The following DYNC2H1 variants were observed in gnomAD, a reference collection of about 807,000 sequenced individuals.
The protein encoded by DYNC2H1 is cytoplasmic dynein 2 heavy chain 1.
A neutral mutation model predicts 570.0 loss-of-function variants in DYNC2H1; 410 were observed. The observed-to-expected ratio is 0.72, with a 90% CI of 0.66 to 0.78. DYNC2H1 has a LOEUF of 0.78. Ranked by LOEUF, DYNC2H1 falls within the 30% of genes least tolerant of loss-of-function variation. The pLI is 0.00. For synonymous variants in DYNC2H1, 1,688 were observed against 1,677.6 expected (o/e 1.01, Z -0.15); for missense variants, 4,865 against 5,046.4 (o/e 0.96, Z 1.09).
intron 70 of DYNC2H1, among the ~76,000 whole-genome samples, chr11:103,265,303 A>C (rs777095725): frequency 2.6e-5 from 4 of 152,198 alleles, no homozygotes; most frequent in Admixed American, 6.5e-5. Flanking sequence ...CGGTTTAGCA[A>C]ACCACCACGG....
At position 103,334,826 on chromosome 11, in the gene DYNC2H1, A is replaced by T. The variant is rs3899714; in HGVS notation, c.12039+10836A>T. On this transcript the variant is annotated intron_variant, in intron 82 of 88. Coordinates refer to ENST00000375735, the MANE Select transcript of DYNC2H1 (RefSeq NM_001377.3). This position sits in a 1 kb window ranked among gnomAD's most constrained non-coding sequence, Gnocchi z 4.3. ...CTACTACAGTATGATAGTTTTGCAG[A>T]ATACAAAGATTGCTGTGGAGTAATC... 0.33 allele frequency among the ~76,000 whole-genome samples: 49,961 copies of T among 151,928 alleles called. 9,696 individuals carry two copies. Among genetic ancestry groups the T allele is most frequent in the Non-Finnish European group, 0.43 (29,468 of 67,840 alleles).
chr11:103,217,589 G>A (rs1470989040), intron 55 of DYNC2H1, among the ~76,000 whole-genome samples: 1 of 152,184 alleles, frequency 6.6e-6, no homozygotes, highest in Non-Finnish European at 1.5e-5. Flanking sequence ...TTTACACAGT[G>A]TGGATGATGG....
At position 103,135,930 on chromosome 11, in the gene DYNC2H1, T is replaced by C; in HGVS notation, c.2556T>C (p.Ala852=). The C allele has an allele frequency of 6.2e-7, 1 of 1,607,768 alleles. No individual in the cohort carries two copies. Among genetic ancestry groups the C allele is most frequent in the Non-Finnish European group, 8.5e-7 (1 of 1,176,240 alleles). The change falls in exon 17 of 89, where the codon GCT becomes GCC. Residue 852 remains alanine, a synonymous_variant. Coordinates refer to ENST00000375735, the MANE Select transcript of DYNC2H1 (RefSeq NM_001377.3). The stretch of plus-strand genomic sequence containing the variant: ...AAGATCTGTTTAGAAGATTGTCAGC[T>C]GTTTTACACCAACATAAGGTATAGA... The part of the protein sequence containing the change: ...KAEDLFRRLS[A]VLHQHKEWIV...
chr11:103,119,032 AT>A (rs1274649894), intron 6 of DYNC2H1, among the ~76,000 whole-genome samples: 2 of 152,126 alleles, frequency 1.3e-5, no homozygotes, highest in Non-Finnish European at 2.9e-5. Flanking sequence ...TATAAGAAGA[AT>A]TTTTTCTTCA....
intron 84 of DYNC2H1, among the ~76,000 whole-genome samples, chr11:103,420,676 C>G (rs951948612): frequency 1.5e-4 from 23 of 152,138 alleles, no homozygotes; most frequent in Admixed American, 1.4e-3. Context: ...CAAGTAAATG[C>G]TGAGGGAATT....
At chr11:103,367,798 G>A (rs1442440753) in intron 83 of DYNC2H1, among the ~76,000 whole-genome samples, 1 of 152,012 alleles carries the variant, frequency 6.6e-6, no homozygotes, top group Non-Finnish European at 1.5e-5. Flanking sequence ...AGTAACCGCT[G>A]TTCTACTCTC....
chr11:103,298,242 T>C (rs1477504416), intron 75 of DYNC2H1, among the ~76,000 whole-genome samples: 1 of 152,140 alleles, frequency 6.6e-6, no homozygotes, highest in Non-Finnish European at 1.5e-5. Context: ...AGTATGTTTC[T>C]GGAATATCAG....
chr11:103,263,581 G>A (rs530509959), intron 70 of DYNC2H1, among the ~76,000 whole-genome samples: 27 of 152,168 alleles, frequency 1.8e-4, no homozygotes, highest in African/African-American at 6.5e-4. Flanking sequence ...ACAACTACAT[G>A]GAAACTGAAC....
At chr11:103,258,525 G>A (rs1865150620) in intron 69 of DYNC2H1, among the ~76,000 whole-genome samples, 1 of 152,170 alleles carries the variant, frequency 6.6e-6, no homozygotes, top group African/African-American at 2.4e-5. Flanking sequence ...GGACTTGAGA[G>A]TTGAGGGGCT....
intron 85 of DYNC2H1, among the ~76,000 whole-genome samples, chr11:103,453,452 T>C (rs1293378980): frequency 6.6e-6 from 1 of 151,956 alleles, no homozygotes; most frequent in Non-Finnish European, 1.5e-5. Flanking sequence ...TTTATTTATC[T>C]CATTAAATAA....
At chr11:103,197,881 ACT>A (rs1387985333) in intron 47 of DYNC2H1, 50 bp from the exon 48 acceptor site, 1 of 1,524,418 alleles carries the variant, frequency 6.6e-7, no homozygotes, top group African/African-American at 1.4e-5. Flanking sequence ...TATTTGTTGA[ACT>A]CTCATTACGA....
At chr11:103,282,051 G>A (rs1194253579) in intron 71 of DYNC2H1, 128 bp from the exon 72 acceptor site, 1 of 653,396 alleles carries the variant, frequency 1.5e-6, no homozygotes, top group African/African-American at 1.9e-5. Flanking sequence ...ACTAGAAGAA[G>A]TGGTAAGATG....
intron 82 of DYNC2H1, among the ~76,000 whole-genome samples, chr11:103,351,540 A>C (rs1940054978): frequency 6.6e-6 from 1 of 152,196 alleles, no homozygotes; most frequent in Non-Finnish European, 1.5e-5. Context: ...TAATTTGTTA[A>C]GAATTTATTG....
Position 103,151,721 on chromosome 11 carries a change from G to A in DYNC2H1, c.2947-415G>A, listed in dbSNP as rs529244815. Among the ~76,000 whole-genome samples the A allele has an allele frequency of 5.9e-5, 9 of 152,054 alleles. No individual in the cohort carries two copies. The highest frequency in any genetic ancestry group is 1.9e-4 in the East Asian group (1 of 5,182). On this transcript the variant is annotated intron_variant, in intron 20 of 88. Transcript: ENST00000375735. This position sits in a 1 kb window ranked among gnomAD's most constrained non-coding sequence, Gnocchi z 4.6. The stretch of plus-strand genomic sequence containing the variant: ...CATGACTTTCCTTCTCTATTAAGTC[G>A]GATAATTTAGTTAACTTATGCTCTT...
At chr11:103,183,393 GAC>G (rs1471128237) in intron 40 of DYNC2H1, among the ~76,000 whole-genome samples, 1 of 151,804 alleles carries the variant, frequency 6.6e-6, no homozygotes, top group Non-Finnish European at 1.5e-5. Flanking sequence ...TAGAAATGAC[GAC>G]AGGATAAGAT....
chr11:103,412,299 CTT>C (rs1943119607), intron 84 of DYNC2H1, among the ~76,000 whole-genome samples: 2 of 152,010 alleles, frequency 1.3e-5, no homozygotes, highest in Non-Finnish European at 2.9e-5. Flanking sequence ...AGAATAATGA[CTT>C]TTATTTCTTT....
intron 17 of DYNC2H1, among the ~76,000 whole-genome samples, chr11:103,141,826 G>C (rs1466338093): frequency 6.6e-6 from 1 of 152,228 alleles, no homozygotes; most frequent in African/African-American, 2.4e-5. Flanking sequence ...GCCTACAGAG[G>C]CAGGCAGGCC....
chr11:103,306,866 C>T (rs1325876403), intron 77 of DYNC2H1, among the ~76,000 whole-genome samples: 1 of 152,018 alleles, frequency 6.6e-6, no homozygotes, highest in Admixed American at 6.6e-5. Flanking sequence ...TTCTGGTTAC[C>T]TACAGAATTT....
chr11:103,309,023 C>G (rs11225677), intron 78 of DYNC2H1, among the ~76,000 whole-genome samples: 6,674 of 152,054 alleles, frequency 0.044, 184 homozygotes, highest in Non-Finnish European at 0.066. Context: ...TTGTATCTCT[C>G]TAATATGTAA....
Sources: allele counts gnomAD v4.1 joint callset (sites outside exome capture counted in the v4.1 genomes callset), GRCh38; gene constraint gnomAD v4.1.1; non-coding constraint Gnocchi (gnomAD v3.1); transcripts MANE v1.5; gene names NCBI Gene and HGNC (gene_info 2026-07-23, HGNC 2026-07-21).